Variants in TRRAP observed in about 807,000 individuals in gnomAD.
The protein encoded by TRRAP is transformation/transcription domain-associated protein.
A neutral mutation model predicts 438.8 loss-of-function variants in TRRAP; 41 were observed. That is an observed-to-expected ratio of 0.09 (90% CI 0.07 to 0.12). The LOEUF is 0.12. Ranked by LOEUF, TRRAP falls within the 10% of genes least tolerant of loss-of-function variation. The pLI is 1.00. For missense variants in TRRAP, 3,122 were observed against 5,055.1 expected (o/e 0.62, Z 11.60); for synonymous variants, 1,994 against 1,962.9 (o/e 1.02, Z -0.42).
chr7:98,929,907 C>G (rs1165753633), intron 23 of TRRAP, 82 bp from the exon 24 acceptor site: 1 of 1,478,970 alleles, frequency 6.8e-7, no homozygotes, highest in Non-Finnish European at 9.3e-7. Context: ...TATGGAGTTT[C>G]TAACTTCAAG....
intron 26 of TRRAP, among the ~76,000 whole-genome samples, chr7:98,931,949 G>A (rs903063578): frequency 6.6e-5 from 10 of 150,498 alleles, no homozygotes; most frequent in Non-Finnish European, 1.3e-4. Context: ...TTTTGAGACA[G>A]TCTCACTCTG....
chr7:98,931,436 C>T lies in TRRAP; in HGVS notation c.3623C>T (p.Thr1208Ile), dbSNP rs1554412817. 2.5e-6 allele frequency: 4 copies of T among 1,614,112 alleles called. No individual in the cohort carries two copies. The highest frequency in any genetic ancestry group is 3.4e-6 in the Non-Finnish European group (4 of 1,180,030). ...AATGGGGCAGTCGCTATGGCAAAGA[C>T]CACGCTGGAGCAGCTTCTGATGCGG... ...VSNGAVAMAK[T>I]TLEQLLMRCA... is the part of the protein sequence containing the mutation. The change falls in exon 26 of 73, where the codon ACC becomes ATC. Residue 1208 changes from threonine to isoleucine, a missense_variant. Transcript: ENST00000456197.
chr7:98,892,668 T>C (rs1796027418), intron 5 of TRRAP, 140 bp downstream of exon 5: 3 of 661,306 alleles, frequency 4.5e-6, no homozygotes, highest in Non-Finnish European at 7.5e-6. Flanking sequence ...TTTTTCTTAA[T>C]GTCCCTTTTC....
chr7:98,890,617 G>A (rs1410065144), intron 4 of TRRAP, among the ~76,000 whole-genome samples, 172 bp downstream of exon 4: 2 of 152,068 alleles, frequency 1.3e-5, no homozygotes, highest in East Asian at 3.9e-4. Flanking sequence ...TTTGATTTTT[G>A]TCTAGGACGT....
intron 67 of TRRAP, among the ~76,000 whole-genome samples, chr7:98,997,994 C>T (rs1009952260): frequency 1.3e-5 from 2 of 152,196 alleles, no homozygotes; most frequent in African/African-American, 2.4e-5. Context: ...ACCATCCAGT[C>T]GGTTACAGAC....
chr7:98,951,703 A>G (rs1397575599), intron 39 of TRRAP, among the ~76,000 whole-genome samples: 1 of 152,216 alleles, frequency 6.6e-6, no homozygotes, highest in Non-Finnish European at 1.5e-5. Context: ...CCTGAGATCA[A>G]GGCAGAGGGG....
intron 67 of TRRAP, among the ~76,000 whole-genome samples, chr7:99,003,821 T>C (rs558101356): frequency 2.0e-5 from 3 of 152,264 alleles, no homozygotes; most frequent in African/African-American, 4.8e-5. Context: ...CCCAGCACTT[T>C]GGGAGGCTGA....
At position 98,935,667 on chromosome 7, in the gene TRRAP, C is replaced by T. The variant is rs782072837; in HGVS notation, c.4103C>T (p.Ala1368Val). The change falls in exon 28 of 73, where the codon GCG becomes GTG. Residue 1368 changes from alanine to valine, a missense_variant. Around this residue, in one of 24 missense-constraint regions of TRRAP, gnomAD observed 84 missense variants for 119.8 expected, o/e 0.70. Transcript: ENST00000456197. Reference sequence around the variant, plus strand: ...CCGTCACTCGTACCTTTACGAATTGCGGCATTAAGTAAGTTAATGAAAATC... The same window carrying T: ...CCGTCACTCGTACCTTTACGAATTGTGGCATTAAGTAAGTTAATGAAAATC... ...SLPSLVPLRI[A>V]ALNALAACNY... 3.8e-6 allele frequency: 6 copies of T among 1,586,992 alleles called. No homozygotes were observed. The highest frequency in any genetic ancestry group is 2.3e-5 in the East Asian group (1 of 44,424).
chr7:98,939,674 AC>A (rs1238815769), intron 30 of TRRAP, among the ~76,000 whole-genome samples: 26 of 152,364 alleles, frequency 1.7e-4, no homozygotes, highest in African/African-American at 6.3e-4. Context: ...ATATAAAGTT[AC>A]ATCACTTCCT....
Position 99,005,417 on chromosome 7 carries a change from C to A in TRRAP, c.10753+69C>A. The stretch of plus-strand genomic sequence containing the variant: ...ACAGGTGGGGATGAGAGCCACACCT[C>A]GTGGGGTGCACAGGCAGCTCACGTT... On this transcript the variant is annotated intron_variant, in intron 69 of 72. Transcript: ENST00000456197. The surrounding 1 kb of genome is among the most constrained non-coding windows in gnomAD (Gnocchi z 5.1). 6.9e-7 allele frequency: 1 copy of A among 1,454,782 alleles called. No individual in the cohort carries two copies. Among genetic ancestry groups the A allele is most frequent in the Non-Finnish European group, 9.6e-7 (1 of 1,039,046 alleles). 90.1% of individuals were successfully genotyped at this position (1,454,782 alleles called of 1,614,324 possible). A position where few individuals can be genotyped will look rare whatever the true frequency, so the allele number is the denominator to read the frequency against.
At chr7:98,985,324 G>A (rs1311059536) in intron 62 of TRRAP, among the ~76,000 whole-genome samples, 6 of 152,178 alleles carry the variant, frequency 3.9e-5, no homozygotes, top group Admixed American at 1.3e-4. Flanking sequence ...TCCTCAGTCC[G>A]CCATTTACAG....
intron 29 of TRRAP, 27 bp downstream of exon 29, chr7:98,937,304 G>T: frequency 1.2e-6 from 2 of 1,600,174 alleles, no homozygotes; most frequent in Non-Finnish European, 1.7e-6. Context: ...GCGTGTATGC[G>T]CACGCGTGTG....
chr7:98,968,343 T>C (rs893775354), intron 51 of TRRAP, among the ~76,000 whole-genome samples: 2 of 152,158 alleles, frequency 1.3e-5, no homozygotes, highest in Non-Finnish European at 2.9e-5. Flanking sequence ...AGCAGAAAGA[T>C]GGAGCAGCCG....
chr7:98,979,970 C>T (rs747117716), intron 58 of TRRAP, among the ~76,000 whole-genome samples: 12 of 151,894 alleles, frequency 7.9e-5, no homozygotes, highest in Non-Finnish European at 1.3e-4. Context: ...GAAGAGATGC[C>T]GTTTTTCTTA....
chr7:98,976,623 G>T lies in TRRAP; in HGVS notation c.8100G>T (p.Leu2700=). Residue 2700 remains leucine, a synonymous_variant, in exon 55 of 73, where the codon CTG becomes CTT. Coordinates refer to ENST00000456197, the MANE Select transcript of TRRAP (RefSeq NM_001375524.1). The surrounding 1 kb of genome is among the most constrained non-coding windows in gnomAD (Gnocchi z 4.6). ...VPPIPIRPCV[L]KYLGKTHNLW... is the part of the protein sequence containing the mutation. ...CAATCCCCATCCGACCCTGCGTCCT[G>T]AAGTACCTGGGGAAGACACACAACC... 1 of 1,614,182 alleles carries T rather than the reference G, an allele frequency of 6.2e-7. No homozygotes were observed. Among genetic ancestry groups the T allele is most frequent in the Non-Finnish European group, 8.5e-7 (1 of 1,180,038 alleles).
At chr7:98,884,360 G>T (rs1033034889) in intron 3 of TRRAP, among the ~76,000 whole-genome samples, 10 of 152,018 alleles carry the variant, frequency 6.6e-5, no homozygotes, top group African/African-American at 2.4e-4. Flanking sequence ...TCAGCCTCTG[G>T]AGTAGCTGGG....
intron 6 of TRRAP, among the ~76,000 whole-genome samples, chr7:98,894,518 A>G (rs1234603257): frequency 2.6e-5 from 4 of 152,182 alleles, no homozygotes; most frequent in African/African-American, 9.6e-5. Flanking sequence ...AATAACTTAA[A>G]ATAGAAATTA....
chr7:98,952,937 T>C (rs1372676763), intron 39 of TRRAP, among the ~76,000 whole-genome samples: 7 of 152,202 alleles, frequency 4.6e-5, no homozygotes. Context: ...GCAGAGCAAA[T>C]TGGGGTCCTG....
At chr7:98,963,910 G>T (rs549314529) in intron 47 of TRRAP, among the ~76,000 whole-genome samples, 3 of 151,794 alleles carry the variant, frequency 2.0e-5, no homozygotes, top group Middle Eastern at 6.8e-3. Context: ...GTGAAACCCC[G>T]TCTCTACTAA....
Sources: allele counts gnomAD v4.1 joint callset (sites outside exome capture counted in the v4.1 genomes callset), GRCh38; gene constraint gnomAD v4.1.1; regional missense constraint gnomAD v4.1.1; non-coding constraint Gnocchi (gnomAD v3.1); transcripts MANE v1.5; gene names NCBI Gene and HGNC (gene_info 2026-07-23, HGNC 2026-07-21).